Variants in FAM222A observed in about 807,000 individuals in gnomAD.
FAM222A encodes the protein protein FAM222A.
FAM222A carries 7 observed loss-of-function variants against 25.8 expected under a neutral mutation model. The observed-to-expected ratio is 0.27, with a 90% confidence interval of 0.15 to 0.51. The LOEUF (loss-of-function observed/expected upper bound fraction) is 0.51. Ranked by LOEUF, FAM222A falls within the 20% of genes least tolerant of loss-of-function variation. The pLI, the probability that FAM222A is intolerant of heterozygous loss-of-function variation, is 0.97. For missense variants in FAM222A, 573 were observed against 640.5 expected, an observed-to-expected ratio of 0.89 and a Z score of 1.14; for synonymous variants, 294 against 298.8, an observed-to-expected ratio of 0.98 and a Z score of 0.17.
chr12:109,719,787 C>T (rs1435997609), intron 1 of FAM222A, among the ~76,000 whole-genome samples: 2 of 151,846 alleles, frequency 1.3e-5, no homozygotes, highest in African/African-American at 4.8e-5. Context: ...CAGGGGGCAT[C>T]GGGTGCTGAG....
At chr12:109,719,062 C>T (rs913886190) in intron 1 of FAM222A, among the ~76,000 whole-genome samples, 14 of 152,178 alleles carry the variant, frequency 9.2e-5, no homozygotes, top group African/African-American at 3.4e-4. Flanking sequence ...GAAGGGGCGA[C>T]CTGCCCAGAC....
chr12:109,743,892 C>G, intron 1 of FAM222A: 2 of 985,442 alleles, frequency 2.0e-6, no homozygotes, highest in Non-Finnish European at 2.4e-6. Flanking sequence ...ACTCAAGAGC[C>G]CTGGATTCTG....
intron 1 of FAM222A, among the ~76,000 whole-genome samples, chr12:109,730,021 C>T (rs1050609142): frequency 3.9e-5 from 6 of 152,202 alleles, no homozygotes; most frequent in Admixed American, 2.0e-4. Flanking sequence ...ATGACCACCG[C>T]GCCTTCTCTG....
chr12:109,749,483 T>A (rs529741390), intron 2 of FAM222A, among the ~76,000 whole-genome samples: 17 of 152,144 alleles, frequency 1.1e-4, no homozygotes, highest in African/African-American at 4.1e-4. Flanking sequence ...TTTTTAGGAG[T>A]TTTTTGAAGC....
intron 2 of FAM222A, among the ~76,000 whole-genome samples, chr12:109,753,981 A>G (rs535383814): frequency 3.7e-4 from 56 of 152,364 alleles, no homozygotes; most frequent in African/African-American, 1.3e-3. Context: ...GCAAGAGGAC[A>G]GAGGCTCAGA....
intron 1 of FAM222A, among the ~76,000 whole-genome samples, chr12:109,733,515 T>G (rs577527645): frequency 1.3e-5 from 2 of 152,200 alleles, no homozygotes; most frequent in African/African-American, 4.8e-5. Context: ...GCCATTCTCC[T>G]GCCTCAGCCT....
chr12:109,727,534 C>T (rs1376014145), intron 1 of FAM222A, among the ~76,000 whole-genome samples: 1 of 152,194 alleles, frequency 6.6e-6, no homozygotes, highest in African/African-American at 2.4e-5. Context: ...TTGCTGTGGG[C>T]CTGCTGTGTG....
rs774937251 is a variant in FAM222A, at chr12:109,768,187, C to A, written c.258C>A (p.Gly86=). 7 of 1,613,418 alleles carry A rather than the reference C, an allele frequency of 4.3e-6. No individual in the cohort carries two copies. Among genetic ancestry groups the A allele is most frequent in the Non-Finnish European group, 5.9e-6 (7 of 1,179,954 alleles). The part of the protein sequence containing the change: ...SRTVNGYDTS[G]QRYSPYPQHT... ...CAGTCAATGGCTATGACACCAGTGG[C>A]CAGCGCTACAGCCCCTACCCACAGC... Residue 86 remains glycine, a synonymous_variant, in exon 3 of 3, where the codon GGC becomes GGA. Coordinates refer to ENST00000538780, the MANE Select transcript of FAM222A (RefSeq NM_032829.3).
intron 1 of FAM222A, among the ~76,000 whole-genome samples, chr12:109,733,378 A>G (rs1239543112): frequency 1.3e-5 from 2 of 152,264 alleles, no homozygotes; most frequent in African/African-American, 4.8e-5. Context: ...GAAAATGTAC[A>G]ATTACATATG....
intron 2 of FAM222A, among the ~76,000 whole-genome samples, chr12:109,752,893 G>A (rs1236006563): frequency 6.6e-6 from 1 of 152,158 alleles, no homozygotes; most frequent in African/African-American, 2.4e-5. Context: ...GAGGAGGTGG[G>A]TTGCAATGAG....
At chr12:109,732,443 G>A (rs1000377101) in intron 1 of FAM222A, among the ~76,000 whole-genome samples, 6 of 152,220 alleles carry the variant, frequency 3.9e-5, no homozygotes, top group East Asian at 1.9e-4. Flanking sequence ...GCTCCTGGAC[G>A]CCACCTGCCC....
At position 109,730,127 on chromosome 12, in the gene FAM222A, C is replaced by A. The variant is rs1337327219; in HGVS notation, c.-46-13974C>A. Among the ~76,000 whole-genome samples, 4 of 152,178 alleles carry A rather than the reference C, an allele frequency of 2.6e-5. No homozygotes were observed. The East Asian group carries it at 7.7e-4, about 29-fold the overall frequency. On this transcript the variant is annotated intron_variant, in intron 1 of 2. Transcript: ENST00000538780. The stretch of plus-strand genomic sequence containing the variant: ...GGCCTGCGTCCACTCTTCCCTTGCC[C>A]ACGCCACCCAAACGGCCCACCCTTA...
intron 2 of FAM222A, among the ~76,000 whole-genome samples, chr12:109,750,466 C>T (rs1888531118): frequency 6.6e-6 from 1 of 152,172 alleles, no homozygotes; most frequent in African/African-American, 2.4e-5. Context: ...AGGAGTTTGA[C>T]ATAAAAACTA....
At chr12:109,734,581 C>G (rs1888035090) in intron 1 of FAM222A, 1 of 149,424 alleles carries the variant, frequency 6.7e-6, no homozygotes, top group African/African-American at 2.5e-5. Context: ...GTTGAAATCC[C>G]TTTTGAAAAG....
chr12:109,768,017 G>T lies in FAM222A; in HGVS notation c.88G>T (p.Ala30Ser), dbSNP rs1255332926. The T allele has an allele frequency of 3.1e-6, 5 of 1,612,042 alleles. No homozygotes were observed. Among genetic ancestry groups the T allele is most frequent in the Non-Finnish European group, 4.2e-6 (5 of 1,179,080 alleles). Residue 30 changes from alanine to serine, a missense_variant, in exon 3 of 3, where the codon GCG (alanine) becomes TCG (serine). Ala to Ser is a moderately conservative substitution (Grantham distance 99). Coordinates refer to ENST00000538780, the MANE Select transcript of FAM222A (RefSeq NM_032829.3). Reference sequence around the variant, plus strand: ...CACCTGCTTTCCTCCCACAGGCGAGGCGGTGGCCAGCGCCATGCATTCCTC... The same window carrying T: ...CACCTGCTTTCCTCCCACAGGCGAGTCGGTGGCCAGCGCCATGCATTCCTC... ...SKSLELRKCE[A>S]VASAMHSSRY... is the part of the protein sequence containing the mutation.
intron 2 of FAM222A, among the ~76,000 whole-genome samples, chr12:109,757,379 T>C (rs549007363): frequency 3.9e-5 from 6 of 152,122 alleles, no homozygotes; most frequent in South Asian, 4.1e-4. Flanking sequence ...CAGCTTCAAG[T>C]TGAGACAGTG....
chr12:109,769,066 G>C lies in FAM222A; in HGVS notation c.1137G>C (p.Glu379Asp). 1 of 1,597,696 alleles carries C rather than the reference G, an allele frequency of 6.3e-7. No homozygotes were observed. Among genetic ancestry groups the C allele is most frequent in the African/African-American group, 1.3e-5 (1 of 74,812 alleles). Residue 379 changes from glutamate (E) to aspartate (D), a missense_variant, in exon 3 of 3, where the codon GAG becomes GAC. Glu to Asp is a conservative substitution (Grantham distance 45). This residue lies in a region of FAM222A where 412 missense variants were observed against 407.0 expected (regional missense o/e 1.01). Coordinates refer to ENST00000538780, the MANE Select transcript of FAM222A (RefSeq NM_032829.3). Reference protein sequence around the residue: ...VTELGPGAARELAGPPADALS... With the variant: ...VTELGPGAARDLAGPPADALS... ...AGCTGGGGCCGGGGGCAGCCCGGGA[G>C]CTGGCTGGGCCCCCTGCAGATGCCC...
intron 2 of FAM222A, among the ~76,000 whole-genome samples, chr12:109,761,897 CCTGCCGGTTTGCAGTGCA>C (rs1391871578): frequency 6.6e-6 from 1 of 152,152 alleles, no homozygotes; most frequent in Non-Finnish European, 1.5e-5. Flanking sequence ...GGCCCTGAAG[CCTGCCGGTTTGCAGTGCA>C]CTCCCACCTC....
chr12:109,744,039 A>C, intron 1 of FAM222A, 62 bp from the exon 2 acceptor site: 2 of 1,472,638 alleles, frequency 1.4e-6, no homozygotes, highest in Non-Finnish European at 9.0e-7. Flanking sequence ...CCCGGGGGGA[A>C]TGGTGGGAGG....
Sources: allele counts gnomAD v4.1 joint callset (sites outside exome capture counted in the v4.1 genomes callset), GRCh38; gene constraint gnomAD v4.1.1; regional missense constraint gnomAD v4.1.1; transcripts MANE v1.5; gene names NCBI Gene and HGNC (gene_info 2026-07-23, HGNC 2026-07-21).